The following SLC11A1 variants were observed in gnomAD, a reference collection of about 807,000 sequenced individuals.
SLC11A1 encodes the protein natural resistance-associated macrophage protein 1.
A neutral mutation model predicts 63.2 loss-of-function variants in SLC11A1; 59 were observed. That is an observed-to-expected ratio of 0.93 (90% confidence interval 0.76 to 1.16). The LOEUF is 1.16. Ranked by LOEUF, SLC11A1 falls within the 50% of genes most tolerant of loss-of-function variation. The pLI is 0.00. For missense variants in SLC11A1, 688 were observed against 730.7 expected (o/e 0.94, Z 0.67); for synonymous variants, 305 against 307.8 (o/e 0.99, Z 0.09).
rs150348646 is a variant in SLC11A1 at position 218,387,178 on chromosome 2, C to T, written c.519C>T (p.Gly173=). Residue 173 remains glycine, a synonymous_variant, in exon 6 of 15, where the codon GGC becomes GGT. Transcript: ENST00000233202. ...GTTTCAGAATCCCACTCTGGGGTGG[C>T]GTCCTCATCACCATCGTGGACACCT... ...LSAGRIPLWG[G]VLITIVDTFF... The T allele has an allele frequency of 1.7e-5, 28 of 1,614,020 alleles. No individual in the cohort carries two copies. Among genetic ancestry groups the T allele is most frequent in the Non-Finnish European group, 2.2e-5 (26 of 1,179,980 alleles).
intron 1 of SLC11A1, 144 bp downstream of exon 1, chr2:218,382,519 A>T: frequency 5.1e-6 from 4 of 786,054 alleles, no homozygotes; most frequent in African/African-American, 1.7e-5. Context: ...AGTCTAGAAC[A>T]CAGTTCTGGA....
In SLC11A1 at chr2:218,385,055, C is replaced by T. The variant is rs560794665; in HGVS notation, c.274-92C>T. ...GACTCCATCTCTCCCACCCCCTCCC[C>T]GAGGAGTATGCTTGGTTAGAGGGTA... On this transcript the variant is annotated intron_variant, in intron 3 of 14. Coordinates refer to ENST00000233202, the MANE Select transcript of SLC11A1 (RefSeq NM_000578.4). The T allele has an allele frequency of 2.0e-4, 308 of 1,554,868 alleles. No individual in the cohort carries two copies. In the African/African-American group the frequency reaches 3.2e-3, roughly 16 times the overall value.
At chr2:218,390,700 A>G (rs2695343) in intron 9 of SLC11A1, among the ~76,000 whole-genome samples, 78,679 of 152,068 alleles carry the variant, frequency 0.52, 22,237 homozygotes, top group South Asian at 0.68. Flanking sequence ...CAACATCAGG[A>G]CTGCAAACCC....
At chr2:218,391,156 C>T (rs1205023852) in intron 9 of SLC11A1, 42 bp from the exon 10 acceptor site, 19 of 1,568,796 alleles carry the variant, frequency 1.2e-5, no homozygotes, top group African/African-American at 4.1e-5. Flanking sequence ...CAAGGCTGAG[C>T]GTGCTCCTCA....
At position 218,388,196 on chromosome 2, in the gene SLC11A1, C is replaced by T. The variant is rs1448592872; in HGVS notation, c.795+241C>T. On this transcript the variant is annotated intron_variant, in intron 8 of 14. Coordinates refer to ENST00000233202, the MANE Select transcript of SLC11A1 (RefSeq NM_000578.4). ...CATCCTGGTCAACATGGCGAAACCCCGTCTCTACTAAAAATACAAAAACTA... is the reference window on the plus strand; with the variant it reads ...CATCCTGGTCAACATGGCGAAACCCTGTCTCTACTAAAAATACAAAAACTA... 3 of 473,246 alleles carry T rather than the reference C, an allele frequency of 6.3e-6. No homozygotes were observed. The East Asian group carries it at 1.2e-4, about 19-fold the overall frequency. The allele number at this position is 473,246 out of a possible 1,614,324, so 29.3% of individuals were successfully genotyped here. A position where few individuals can be genotyped will look rare whatever the true frequency, so the allele number is the denominator to read the frequency against.
At chr2:218,382,450 G>A in intron 1 of SLC11A1, 75 bp downstream of exon 1, 1 of 1,551,020 alleles carries the variant, frequency 6.4e-7, no homozygotes, top group Non-Finnish European at 8.9e-7. Flanking sequence ...GTGGAGACTT[G>A]AGGAAGCAAG....
Position 218,394,800 on chromosome 2 carries a change from G to T in SLC11A1, c.1542+15G>T. 2 of 1,611,074 alleles carry T rather than the reference G, an allele frequency of 1.2e-6. No individual in the cohort carries two copies. Among genetic ancestry groups the T allele is most frequent in the East Asian group, 2.2e-5 (1 of 44,880 alleles). On this transcript the variant is annotated intron_variant, in intron 14 of 14. Transcript: ENST00000233202. Reference sequence around the variant, plus strand: ...GCACCTACCTGGTACAGTAGGGCCAGGGGATGCCTTGGGAATGGATGAGGG... The same window carrying T: ...GCACCTACCTGGTACAGTAGGGCCATGGGATGCCTTGGGAATGGATGAGGG...
chr2:218,387,595 T>G lies in SLC11A1; in HGVS notation c.602T>G (p.Leu201Arg). The stretch of plus-strand genomic sequence containing the variant: ...CGGAAGCTGGAAGCTTTTTTTGGAC[T>G]CCTTATAACCATTATGGCCTTGACC... ...GLRKLEAFFG[L>R]LITIMALTFG... Residue 201 changes from leucine (L) to arginine (R), a missense_variant, in exon 7 of 15, where the codon CTC becomes CGC. Leu to Arg is a moderately radical substitution (Grantham distance 102). Transcript: ENST00000233202. 1 of 1,614,170 alleles carries G rather than the reference T, an allele frequency of 6.2e-7. No individual in the cohort carries two copies. Among genetic ancestry groups the G allele is most frequent in the Non-Finnish European group, 8.5e-7 (1 of 1,180,024 alleles).
chr2:218,388,217 A>C, intron 8 of SLC11A1: 5 of 379,192 alleles, frequency 1.3e-5, no homozygotes, highest in Non-Finnish European at 1.4e-5. Flanking sequence ...AAAATACAAA[A>C]ACTAGCTGGG....
chr2:218,392,101 C>T (rs1696489363), intron 11 of SLC11A1: 1 of 401,956 alleles, frequency 2.5e-6, no homozygotes, highest in Non-Finnish European at 5.0e-6. Context: ...CGGCGTTTCG[C>T]TCTTATTGCC....
At chr2:218,390,087 T>C (rs987669893) in intron 9 of SLC11A1, 59 bp downstream of exon 9, 1 of 1,547,918 alleles carries the variant, frequency 6.5e-7, no homozygotes, top group African/African-American at 1.4e-5. Flanking sequence ...CTGTAAGCCT[T>C]GCCGAGGACC....
At chr2:218,387,536 T>G (rs748659734) in intron 6 of SLC11A1, 29 bp from the exon 7 acceptor site, 2 of 1,609,832 alleles carry the variant, frequency 1.2e-6, no homozygotes, top group South Asian at 1.1e-5. Flanking sequence ...TTTCGTTGGT[T>G]TGTTTAGTTT....
chr2:218,395,017 AGGGGAGACCT>A lies in SLC11A1; in HGVS notation c.1636_1645del (p.Gly546LeufsTer15). 6.2e-7 allele frequency: 1 copy of A among 1,607,888 alleles called. No individual in the cohort carries two copies. Among genetic ancestry groups the A allele is most frequent in the Non-Finnish European group, 8.5e-7 (1 of 1,176,884 alleles). On this transcript the variant is annotated frameshift_variant, in exon 15 of 15. Coordinates refer to ENST00000233202, the MANE Select transcript of SLC11A1 (RefSeq NM_000578.4). LOFTEE classifies it high-confidence loss of function. ...ATGGGCTCCTTGAAGAGGACCAGAAAGGGGAGACCTCTGGCTAGGCCCACACCAGGGCCTG... is the reference window on the plus strand; with the variant it reads ...ATGGGCTCCTTGAAGAGGACCAGAAACTGGCTAGGCCCACACCAGGGCCTG...
chr2:218,390,476 G>T (rs1696364595), intron 9 of SLC11A1, among the ~76,000 whole-genome samples: 1 of 152,200 alleles, frequency 6.6e-6, no homozygotes, highest in African/African-American at 2.4e-5. Flanking sequence ...CTGGGATCTG[G>T]GACCTGTGTC....
At chr2:218,385,532 A>C in intron 4 of SLC11A1, 1 of 494,958 alleles carries the variant, frequency 2.0e-6, no homozygotes, top group Non-Finnish European at 3.9e-6. Flanking sequence ...CTGGGATTAC[A>C]GGCGCCCACC....
intron 8 of SLC11A1, 152 bp downstream of exon 8, chr2:218,388,107 C>A: frequency 2.2e-6 from 2 of 928,050 alleles, no homozygotes; most frequent in South Asian, 1.8e-5. Flanking sequence ...CCATGGCTCA[C>A]GCCTGTAATC....
Position 218,395,591 on chromosome 2 carries a change from G to A in SLC11A1, c.*556G>A, listed in dbSNP as rs1696713479. Reference sequence around the variant, plus strand: ...AAGCGATTCTCTTTATTCAGCCCCGGGAGTGGCGCGCGCCACCACGCCCAG... The same window carrying A: ...AAGCGATTCTCTTTATTCAGCCCCGAGAGTGGCGCGCGCCACCACGCCCAG... On this transcript the variant is annotated 3_prime_UTR_variant, in exon 15 of 15. Coordinates refer to ENST00000233202, the MANE Select transcript of SLC11A1 (RefSeq NM_000578.4). The A allele has an allele frequency of 6.6e-6, 1 of 152,598 alleles. No homozygotes were observed. The highest frequency in any genetic ancestry group is 1.5e-5 in the Non-Finnish European group (1 of 68,322). The allele number at this position is 152,598 out of a possible 1,614,324, so 9.5% of individuals were successfully genotyped here.
Position 218,382,322 on chromosome 2 carries a change from C to G in SLC11A1, c.-47C>G, listed in dbSNP as rs1227018030. 1 of 1,610,466 alleles carries G rather than the reference C, an allele frequency of 6.2e-7. No individual in the cohort carries two copies. Among genetic ancestry groups the G allele is most frequent in the African/African-American group, 1.3e-5 (1 of 74,982 alleles). On this transcript the variant is annotated 5_prime_UTR_variant, in exon 1 of 15. Transcript: ENST00000233202. ...AGAGGGGGTGCAGGCTGAGGAGCTG[C>G]CCAGAGCACCGCTCACACTCCCAGA...
chr2:218,385,214 G>A lies in SLC11A1; in HGVS notation c.341G>A (p.Gly114Asp), dbSNP rs756700822. 7 of 1,613,974 alleles carry A rather than the reference G, an allele frequency of 4.3e-6. No homozygotes were observed. The highest frequency in any genetic ancestry group is 1.6e-4 in the Middle Eastern group (1 of 6,084). Residue 114 changes from glycine to aspartate, a missense_variant, in exon 4 of 15, where the codon GGC becomes GAC. By Grantham distance (94) the Gly-to-Asp change is moderately conservative. Transcript: ENST00000233202. ...LLCQRLAARLGVVTGKDLGEV... is the reference protein window; with the variant it reads ...LLCQRLAARLDVVTGKDLGEV... ...TGCCAGCGACTGGCTGCACGTCTGGGCGTGGTGACAGGCAAGGACTTGGGC... is the reference window on the plus strand; with the variant it reads ...TGCCAGCGACTGGCTGCACGTCTGGACGTGGTGACAGGCAAGGACTTGGGC...
Sources: allele counts gnomAD v4.1 joint callset (sites outside exome capture counted in the v4.1 genomes callset), GRCh38; gene constraint gnomAD v4.1.1; transcripts MANE v1.5; gene names NCBI Gene and HGNC (gene_info 2026-07-23, HGNC 2026-07-21).